The following ARHGAP8 variants were observed in gnomAD, a reference collection of about 807,000 sequenced individuals.
ARHGAP8 encodes Rho GTPase activating protein 8.
A neutral mutation model predicts 46.1 loss-of-function variants in ARHGAP8; 62 were observed. The observed-to-expected ratio is 1.34, with a 90% CI of 1.10 to 1.66. ARHGAP8 has a LOEUF of 1.66. Ranked by LOEUF, ARHGAP8 falls within the 40% of genes most tolerant of loss-of-function variation. The pLI is 0.00. For synonymous variants in ARHGAP8, 375 were observed against 243.1 expected, an observed-to-expected ratio of 1.54 and a Z score of -5.05; for missense variants, 923 against 568.4, an observed-to-expected ratio of 1.62 and a Z score of -6.34.
At chr22:44,832,200 T>A (rs1372623754) in intron 7 of ARHGAP8, among the ~76,000 whole-genome samples, 2 of 151,600 alleles carry the variant, frequency 1.3e-5, no homozygotes, top group Admixed American at 1.3e-4. Flanking sequence ...TTTTTTTAAT[T>A]TGTGATGCTA....
At position 44,801,464 on chromosome 22, in the gene ARHGAP8, T is replaced by TG. The variant is rs1163593713; in HGVS notation, c.80-608dup. Among the ~76,000 whole-genome samples the TG allele has an allele frequency of 4.3e-3, 211 of 48,726 alleles. 3 individuals carry two copies. Among genetic ancestry groups the TG allele is most frequent in the African/African-American group, 0.016 (202 of 12,644 alleles). 32.0% of individuals were successfully genotyped at this position (48,726 alleles called of 152,430 possible). A position where few individuals can be genotyped will look rare whatever the true frequency, so the allele number is the denominator to read the frequency against. ...ACCTCTCCCCGCAGCTGTCCGTGTGTGGGGGCACCTCTCCCCGCAGCTGTC... is the reference window on the plus strand; with the variant it reads ...ACCTCTCCCCGCAGCTGTCCGTGTGTGGGGGGCACCTCTCCCCGCAGCTGTC... On this transcript the variant is annotated intron_variant, in intron 2 of 11. Coordinates refer to ENST00000356099, the MANE Select transcript of ARHGAP8 (RefSeq NM_181335.3).
At chr22:44,807,646 A>G (rs1016989235) in intron 3 of ARHGAP8, among the ~76,000 whole-genome samples, 2 of 152,252 alleles carry the variant, frequency 1.3e-5, no homozygotes, top group South Asian at 2.1e-4. Context: ...TGCCGTAACC[A>G]TGATCGCAAA....
At chr22:44,759,435 A>G (rs1235039098) in intron 1 of ARHGAP8, among the ~76,000 whole-genome samples, 1 of 152,216 alleles carries the variant, frequency 6.6e-6, no homozygotes, top group African/African-American at 2.4e-5. Context: ...AACAGAAAAC[A>G]CAACTCTGAA....
At chr22:44,859,257 A>C (rs2070346050) in intron 10 of ARHGAP8, among the ~76,000 whole-genome samples, 1 of 152,148 alleles carries the variant, frequency 6.6e-6, no homozygotes, top group Non-Finnish European at 1.5e-5. Context: ...GACTGGTGGC[A>C]GGTGATTGGA....
chr22:44,825,943 G>A (rs1212960181), intron 7 of ARHGAP8, among the ~76,000 whole-genome samples: 6 of 141,150 alleles, frequency 4.3e-5, no homozygotes, highest in Non-Finnish European at 6.2e-5. Context: ...GGGGGGGTGC[G>A]TGTCACTGCT....
chr22:44,829,819 G>A lies in ARHGAP8; in HGVS notation c.596+4226G>A, dbSNP rs530402339. Among the ~76,000 whole-genome samples the A allele has an allele frequency of 6.2e-4, 94 of 152,242 alleles. 3 individuals are homozygous for A. In the South Asian group the frequency reaches 0.018, roughly 29 times the overall value. On this transcript the variant is annotated intron_variant, in intron 7 of 11. Coordinates refer to ENST00000356099, the MANE Select transcript of ARHGAP8 (RefSeq NM_181335.3). ...CTTACAGCAGAAAGCTATCACCTTA[G>A]AATGAGCTAATGAAGTTAATATATT...
intron 5 of ARHGAP8, among the ~76,000 whole-genome samples, chr22:44,819,387 G>A (rs1473909919): frequency 6.6e-6 from 1 of 151,994 alleles, no homozygotes; most frequent in Non-Finnish European, 1.5e-5. Context: ...ATGTTTTTAA[G>A]TTGGCTGGGC....
At chr22:44,811,479 G>C (rs969320070) in intron 4 of ARHGAP8, among the ~76,000 whole-genome samples, 8 of 152,218 alleles carry the variant, frequency 5.3e-5, no homozygotes, top group African/African-American at 1.9e-4. Context: ...GCAGGGAAGA[G>C]AGGAAGGTGG....
chr22:44,862,260 T>G lies in ARHGAP8; in HGVS notation c.982-15T>G, dbSNP rs753768914. The G allele has an allele frequency of 1.3e-6, 2 of 1,576,514 alleles. No individual in the cohort carries two copies. Among genetic ancestry groups the G allele is most frequent in the African/African-American group, 2.7e-5 (2 of 74,380 alleles). ...TGGTGTTCACTCCCCTTTACTTGTG[T>G]GTGGTTTCCTCCAGGTGTCCCGGGA... is the stretch of plus-strand genomic sequence containing the variant. On this transcript the variant is annotated splice_polypyrimidine_tract_variant and intron_variant, in intron 11 of 11. Transcript: ENST00000356099.
rs1312624592 is a variant in ARHGAP8, at chr22:44,856,952, T to A, written c.878-2779T>A. Among the ~76,000 whole-genome samples, 3 of 143,254 alleles carry A rather than the reference T, an allele frequency of 2.1e-5. 1 individual carries two copies. The highest frequency in any genetic ancestry group is 5.6e-5 in the African/African-American group (2 of 35,570). The allele number at this position is 143,254 out of a possible 152,430, so 94.0% of individuals were successfully genotyped here. On this transcript the variant is annotated intron_variant, in intron 10 of 11. Transcript: ENST00000356099. ...TGACTTGAGTAAGAATTCTTTTTTT[T>A]TTTTTGAGACGGAGTTTTGCTCTTG...
intron 2 of ARHGAP8, among the ~76,000 whole-genome samples, chr22:44,793,690 TCTC>T (rs1182872066): frequency 1.3e-5 from 2 of 152,164 alleles, no homozygotes; most frequent in Non-Finnish European, 2.9e-5. Context: ...AAACCAGGCT[TCTC>T]CTATTGCAGA....
At chr22:44,860,229 A>C (rs546630327) in intron 11 of ARHGAP8, among the ~76,000 whole-genome samples, 73 of 152,088 alleles carry the variant, frequency 4.8e-4, no homozygotes, top group Non-Finnish European at 8.8e-4. Context: ...GGATACACCC[A>C]GAACCACGTA....
intron 10 of ARHGAP8, among the ~76,000 whole-genome samples, chr22:44,852,235 G>A (rs1187242922): frequency 6.7e-6 from 1 of 150,108 alleles, no homozygotes; most frequent in Non-Finnish European, 1.5e-5. Flanking sequence ...AGGAAGGAAG[G>A]TGAAGGAAGG....
chr22:44,826,227 C>T (rs1458114607), intron 7 of ARHGAP8, among the ~76,000 whole-genome samples: 1 of 152,090 alleles, frequency 6.6e-6, no homozygotes, highest in Admixed American at 6.5e-5. Context: ...CATCCCTGAT[C>T]CCCGCATCAC....
intron 10 of ARHGAP8, among the ~76,000 whole-genome samples, chr22:44,851,289 G>A (rs898211104): frequency 6.6e-6 from 1 of 152,192 alleles, no homozygotes; most frequent in Admixed American, 6.5e-5. Flanking sequence ...TAGGTTCATT[G>A]GTGGGAACCC....
intron 1 of ARHGAP8, among the ~76,000 whole-genome samples, chr22:44,772,223 C>CTTTTTTTTTTT (rs71188484): frequency 1.8e-4 from 3 of 16,428 alleles, no homozygotes; most frequent in African/African-American, 2.4e-4. Flanking sequence ...ACTGTTTTGC[C>CTTTTTTTTTTT]TTTTTTTTTT....
intron 2 of ARHGAP8, among the ~76,000 whole-genome samples, chr22:44,787,035 AAC>A (rs1491031677): frequency 1.0e-5 from 1 of 96,342 alleles, no homozygotes. Flanking sequence ...GTCTCAAAAA[AAC>A]AAAAAAAAAA....
chr22:44,806,952 T>C (rs5766045), intron 3 of ARHGAP8, among the ~76,000 whole-genome samples: 68,793 of 145,400 alleles, frequency 0.47, 17,071 homozygotes, highest in African/African-American at 0.6. Context: ...TGACAGACTC[T>C]GTCTCAAAAA....
chr22:44,808,161 G>T, intron 3 of ARHGAP8, 146 bp from the exon 4 acceptor site: 1 of 1,255,942 alleles, frequency 8.0e-7, no homozygotes, highest in East Asian at 2.5e-5. Context: ...GGGAAATGAG[G>T]ACCGGGGCCC....
Sources: gnomAD v4.1 joint callset for allele counts (sites outside exome capture counted in the v4.1 genomes callset) on GRCh38, gnomAD v4.1.1 for gene constraint, MANE v1.5 for transcripts, NCBI Gene and HGNC (gene_info 2026-07-23, HGNC 2026-07-21) for gene names.